Variants in CSMD2 observed in about 807,000 individuals in gnomAD.
CSMD2 encodes CUB and Sushi multiple domains 2, also known as CUB and sushi domain-containing protein 2.
In CSMD2, 130 loss-of-function variants were observed where a neutral mutation model predicts 398.5. That is an observed-to-expected ratio of 0.33 (90% CI 0.28 to 0.38). The LOEUF (loss-of-function observed/expected upper bound fraction) is 0.38. Among genes scored for constraint, CSMD2 ranks in the 10% least tolerant of loss-of-function variants. CSMD2 has a pLI of 1.00. For synonymous variants in CSMD2, 1,828 were observed against 1,908.5 expected, an observed-to-expected ratio of 0.96 and a Z score of 1.10; for missense variants, 3,829 against 4,764.9, an observed-to-expected ratio of 0.80 and a Z score of 5.78.
intron 5 of CSMD2, among the ~76,000 whole-genome samples, chr1:33,901,214 A>T (rs894661281): frequency 2.6e-5 from 4 of 152,232 alleles, no homozygotes; most frequent in African/African-American, 9.6e-5. Flanking sequence ...CTGTTTATTT[A>T]TCTTGACATT....
intron 55 of CSMD2, 111 bp downstream of exon 55, chr1:33,557,617 GACACAC>G (rs10579079): frequency 0.4 from 263,167 of 658,558 alleles, 29,162 homozygotes; most frequent in Admixed American, 0.44. Flanking sequence ...TACATGTGCA[GACACAC>G]ACACACACAC....
intron 13 of CSMD2, among the ~76,000 whole-genome samples, chr1:33,749,092 CTTTTTTTTTTT>C (rs72469561): frequency 3.4e-5 from 3 of 87,792 alleles, no homozygotes; most frequent in African/African-American, 1.5e-4. Context: ...ATACAGACTT[CTTTTTTTTTTT>C]TTTTTTTTTT....
At position 33,937,841 on chromosome 1, in the gene CSMD2, C is replaced by T. The variant is rs149702717; in HGVS notation, c.518-1887G>A. Among the ~76,000 whole-genome samples the T allele has an allele frequency of 3.8e-4, 58 of 152,336 alleles. 1 individual carries two copies. The East Asian group carries it at 7.1e-3, about 19-fold the overall frequency. On this transcript the variant is annotated intron_variant, in intron 3 of 70. Transcript: ENST00000373381. ...TATAAATGCTGCATGCCTGGCACAA[C>T]GCCCAGAACATAGTAGGTGCTCACA...
chr1:34,127,449 TCTGGGAA>T (rs924017647), intron 1 of CSMD2, among the ~76,000 whole-genome samples: 11 of 152,136 alleles, frequency 7.2e-5, no homozygotes, highest in Admixed American at 3.3e-4. Flanking sequence ...GGTCCTGGGC[TCTGGGAA>T]CTGGGGACTG....
intron 12 of CSMD2, among the ~76,000 whole-genome samples, chr1:33,776,222 A>C (rs1281241122): frequency 6.6e-6 from 1 of 152,132 alleles, no homozygotes; most frequent in Non-Finnish European, 1.5e-5. Context: ...GAAGATGTGG[A>C]GGAGAAAGGG....
intron 44 of CSMD2, among the ~76,000 whole-genome samples, chr1:33,592,766 G>A (rs752377458): frequency 5.9e-5 from 9 of 152,066 alleles, no homozygotes; most frequent in Admixed American, 2.6e-4. Flanking sequence ...TGGCTAACAC[G>A]GTGAAACCCC....
At chr1:33,778,573 G>A (rs888094787) in intron 12 of CSMD2, among the ~76,000 whole-genome samples, 6 of 150,970 alleles carry the variant, frequency 4.0e-5, no homozygotes, top group Admixed American at 2.0e-4. Flanking sequence ...CTGTGTACCC[G>A]GCACTTAGCA....
chr1:33,570,623 C>G (rs781114811), intron 51 of CSMD2, among the ~76,000 whole-genome samples: 1 of 152,118 alleles, frequency 6.6e-6, no homozygotes. Context: ...GTGCATGCTG[C>G]GATGAGCTAC....
At chr1:33,937,304 T>C (rs1394252510) in intron 3 of CSMD2, among the ~76,000 whole-genome samples, 1 of 152,146 alleles carries the variant, frequency 6.6e-6, no homozygotes, top group Non-Finnish European at 1.5e-5. Flanking sequence ...CAGAGATCAC[T>C]TCCTGGAGGA....
In CSMD2 at chr1:33,949,556, T is replaced by C. The variant is rs183889029; in HGVS notation, c.518-13602A>G. ...TGCAAGAGGAGACCCTGTGTATCAA[T>C]GGACTCAGACCTTGTCCCCTCTCTG... On this transcript the variant is annotated intron_variant, in intron 3 of 70. Transcript: ENST00000373381. Among the ~76,000 whole-genome samples the C allele has an allele frequency of 2.3e-3, 346 of 152,348 alleles. 3 individuals are homozygous for C. Among genetic ancestry groups the C allele is most frequent in the African/African-American group, 7.8e-3 (326 of 41,582 alleles).
intron 3 of CSMD2, among the ~76,000 whole-genome samples, chr1:33,947,403 C>G (rs539329883): frequency 6.6e-6 from 1 of 152,098 alleles, no homozygotes; most frequent in Non-Finnish European, 1.5e-5. Context: ...TAATGATGTC[C>G]CACACATCAA....
chr1:34,057,148 C>G (rs1653923207), intron 2 of CSMD2, among the ~76,000 whole-genome samples: 2 of 152,176 alleles, frequency 1.3e-5, no homozygotes, highest in Admixed American at 1.3e-4. Context: ...GCACTGCTGA[C>G]TGTGCCCTGT....
At chr1:33,844,212 A>C (rs757951972) in intron 6 of CSMD2, among the ~76,000 whole-genome samples, 9 of 152,148 alleles carry the variant, frequency 5.9e-5, no homozygotes, top group Admixed American at 2.0e-4. Context: ...GTAGTTGTCA[A>C]CTGGAGGTGC....
chr1:33,999,052 C>T (rs1489481670), intron 3 of CSMD2, among the ~76,000 whole-genome samples: 1 of 152,180 alleles, frequency 6.6e-6, no homozygotes, highest in East Asian at 1.9e-4. Flanking sequence ...CTGATGCCTC[C>T]TTCTGGTTTG....
intron 12 of CSMD2, among the ~76,000 whole-genome samples, chr1:33,773,632 G>A (rs1028424379): frequency 4.6e-5 from 7 of 152,182 alleles, no homozygotes; most frequent in Non-Finnish European, 1.0e-4. Flanking sequence ...TTAATGCTGT[G>A]AGAGATGGAC....
At chr1:33,540,459 C>T in intron 60 of CSMD2, 66 bp downstream of exon 60, 1 of 1,562,088 alleles carries the variant, frequency 6.4e-7, no homozygotes, top group Non-Finnish European at 8.7e-7. Flanking sequence ...AGCCACAAAG[C>T]TCCGAGGAGG....
At position 33,693,779 on chromosome 1, in the gene CSMD2, C is replaced by T. The variant is rs147468301; in HGVS notation, c.3926-723G>A. On this transcript the variant is annotated intron_variant, in intron 24 of 70. Coordinates refer to ENST00000373381, the MANE Select transcript of CSMD2 (RefSeq NM_001281956.2). The stretch of plus-strand genomic sequence containing the variant: ...AACCATAAAAAGGAATCAAGGCGGC[C>T]GGGCATGGTGGCTCATCCCTGTAAT... Among the ~76,000 whole-genome samples the T allele has an allele frequency of 1.1e-3, 171 of 152,204 alleles. 1 individual carries two copies. The highest frequency in any genetic ancestry group is 3.8e-3 in the African/African-American group (157 of 41,534).
chr1:33,913,619 G>A (rs1453984766), intron 5 of CSMD2, among the ~76,000 whole-genome samples: 2 of 152,160 alleles, frequency 1.3e-5, no homozygotes, highest in African/African-American at 4.8e-5. Flanking sequence ...AGAAAAGCTG[G>A]TAAATATCCT....
At chr1:33,584,654 A>G (rs949139715) in intron 46 of CSMD2, among the ~76,000 whole-genome samples, 6 of 122,122 alleles carry the variant, frequency 4.9e-5, no homozygotes, top group African/African-American at 1.9e-4. Context: ...CGACAGAGTG[A>G]GACTCCATCT....
Sources: gnomAD v4.1 joint callset for allele counts (sites outside exome capture counted in the v4.1 genomes callset) on GRCh38, gnomAD v4.1.1 for gene constraint, MANE v1.5 for transcripts, NCBI Gene and HGNC (gene_info 2026-07-23, HGNC 2026-07-21) for gene names.